The following SEC14L1 variants were observed in gnomAD, a reference collection of about 807,000 sequenced individuals.
The protein encoded by SEC14L1 is SEC14 like lipid binding 1.
A neutral mutation model predicts 85.3 loss-of-function variants in SEC14L1; 48 were observed. That is an observed-to-expected ratio of 0.56 (90% CI 0.45 to 0.72). The LOEUF is 0.72. SEC14L1 is among the 30% of genes least tolerant of loss of function. The pLI, the probability that SEC14L1 is intolerant of heterozygous loss-of-function variation, is 0.00. For synonymous variants in SEC14L1, 391 were observed against 355.5 expected, an observed-to-expected ratio of 1.10 and a Z score of -1.12; for missense variants, 682 against 921.4, an observed-to-expected ratio of 0.74 and a Z score of 3.36.
chr17:77,201,361 T>C (rs1976131759), intron 9 of SEC14L1, among the ~76,000 whole-genome samples: 1 of 152,194 alleles, frequency 6.6e-6, no homozygotes, highest in African/African-American at 2.4e-5. Flanking sequence ...AACAAGTCCT[T>C]GCAGAACCGA....
chr17:77,093,033 C>A (rs940912686), intron 2 of SEC14L1, among the ~76,000 whole-genome samples: 4 of 151,824 alleles, frequency 2.6e-5, no homozygotes, highest in African/African-American at 9.7e-5. Context: ...GGTGACCAGC[C>A]CTTGGCTCAG....
chr17:77,110,385 G>A (rs572503302), intron 3 of SEC14L1, among the ~76,000 whole-genome samples: 8 of 152,162 alleles, frequency 5.3e-5, no homozygotes, highest in African/African-American at 1.4e-4. Flanking sequence ...GAATAACTTT[G>A]CCCTGGGTGA....
chr17:77,159,382 C>CTTTT (rs763082986), intron 3 of SEC14L1, among the ~76,000 whole-genome samples: 2 of 118,210 alleles, frequency 1.7e-5, no homozygotes, highest in East Asian at 2.6e-4. Context: ...TCTTCTTCTT[C>CTTTT]TTTTTTTTTT....
At position 77,213,986 on chromosome 17, in the gene SEC14L1, C is replaced by A; in HGVS notation, c.2111C>A (p.Ser704Tyr). 1 of 1,613,396 alleles carries A rather than the reference C, an allele frequency of 6.2e-7. No individual in the cohort carries two copies. The change falls in exon 17 of 17, where the codon TCC becomes TAC. Residue 704 changes from serine (S) to tyrosine (Y), a missense_variant. This residue lies in a region of SEC14L1 where 420 missense variants were observed against 619.5 expected (regional missense o/e 0.68). Transcript: ENST00000436233. The surrounding 1 kb of genome is among the most constrained non-coding windows in gnomAD (Gnocchi z 7.1). The stretch of plus-strand genomic sequence containing the variant: ...CAGCTGAGTGCCGCCACCACCTCCT[C>A]CAGCCAGTCCCACTCCAGCTCCATG... ...FSQLSAATTS[S>Y]SQSHSSSMIS...
intron 3 of SEC14L1, among the ~76,000 whole-genome samples, chr17:77,096,280 C>T (rs1971640416): frequency 6.6e-6 from 1 of 151,486 alleles, no homozygotes; most frequent in Admixed American, 6.6e-5. Context: ...CACTATGAGG[C>T]TGGGTGTGGT....
At chr17:77,104,895 A>G (rs1378701597) in intron 3 of SEC14L1, among the ~76,000 whole-genome samples, 1 of 151,920 alleles carries the variant, frequency 6.6e-6, no homozygotes, top group African/African-American at 2.4e-5. Flanking sequence ...CACATACCCA[A>G]GGTGGTCAGG....
In SEC14L1 at chr17:77,135,763, A is replaced by T. The variant is rs142556777; in HGVS notation, c.-135-6883A>T. 2.9e-3 allele frequency among the ~76,000 whole-genome samples: 446 copies of T among 151,588 alleles called. 1 individual carries two copies. Among genetic ancestry groups the T allele is most frequent in the African/African-American group, 0.01 (432 of 41,278 alleles). On this transcript the variant is annotated intron_variant, in intron 3 of 19. Coordinates refer to the SEC14L1 transcript ENST00000392476. ...GCTATGTTGTCCAGGCTGGTCTGGA[A>T]CTCCTGGGCTCAAGCAATCCTTCCA...
rs575730682 is a variant in SEC14L1, at chr17:77,178,692, C to G, written c.64-12111C>G. The stretch of plus-strand genomic sequence containing the variant: ...ATGCAGCTTACAGAGCGTGCAGCCT[C>G]AATCCCTTGTGTGTGCAGTTCACAA... On this transcript the variant is annotated intron_variant, in intron 3 of 16. Transcript: ENST00000436233. Among the ~76,000 whole-genome samples the G allele has an allele frequency of 1.1e-4, 17 of 152,326 alleles. No individual in the cohort carries two copies. The East Asian group carries it at 3.1e-3, about 28-fold the overall frequency.
At chr17:77,191,691 C>T (rs1281479156) in intron 5 of SEC14L1, among the ~76,000 whole-genome samples, 1 of 152,006 alleles carries the variant, frequency 6.6e-6, no homozygotes, top group Non-Finnish European at 1.5e-5. Context: ...TACAGGCAAG[C>T]GCCACCACGC....
rs117041416 is a variant in SEC14L1 at position 77,213,575 on chromosome 17, A to T, written c.2042+83A>T. Reference sequence around the variant, plus strand: ...CCTGCAGTCCCACGCCGTGTGCAGGATCAGCAGTGGCGGCGGGTGTCAGGA... The same window carrying T: ...CCTGCAGTCCCACGCCGTGTGCAGGTTCAGCAGTGGCGGCGGGTGTCAGGA... On this transcript the variant is annotated intron_variant, in intron 16 of 16. Coordinates refer to ENST00000436233, the MANE Select transcript of SEC14L1 (RefSeq NM_001143998.2). The surrounding 1 kb of genome is among the most constrained non-coding windows in gnomAD (Gnocchi z 7.1). The T allele has an allele frequency of 0.016, 24,460 of 1,521,858 alleles. 301 individuals carry two copies. Among genetic ancestry groups the T allele is most frequent in the South Asian group, 0.049 (4,348 of 87,994 alleles). 94.3% of individuals were successfully genotyped at this position (1,521,858 alleles called of 1,614,324 possible).
chr17:77,181,499 G>A (rs904723599), intron 3 of SEC14L1, among the ~76,000 whole-genome samples: 3 of 152,168 alleles, frequency 2.0e-5, no homozygotes, highest in East Asian at 3.9e-4. Context: ...TGCATCCTCC[G>A]CCTCCCGGAT....
chr17:77,127,286 T>C (rs1177197909), intron 3 of SEC14L1, among the ~76,000 whole-genome samples: 3 of 152,202 alleles, frequency 2.0e-5, no homozygotes, highest in African/African-American at 7.2e-5. Context: ...GGCTTCCAGC[T>C]TCATCCATGT....
At chr17:77,104,807 A>G (rs1238079609) in intron 3 of SEC14L1, among the ~76,000 whole-genome samples, 1 of 142,678 alleles carries the variant, frequency 7.0e-6, no homozygotes, top group Admixed American at 7.0e-5. Context: ...AAAAAAAAAA[A>G]GAAAGTTTTT....
chr17:77,136,657 C>T (rs776959209), upstream of SEC14L1, among the ~76,000 whole-genome samples: 2 of 152,128 alleles, frequency 1.3e-5, no homozygotes, highest in African/African-American at 2.4e-5. Flanking sequence ...CATGTGTGTG[C>T]ACGTGTTTGT....
chr17:77,150,594 A>G (rs1973511052), intron 3 of SEC14L1, among the ~76,000 whole-genome samples: 1 of 152,232 alleles, frequency 6.6e-6, no homozygotes. Context: ...ATCTTACTTC[A>G]GGGTGAGGAG....
At chr17:77,164,191 G>A (rs948597291) in intron 3 of SEC14L1, among the ~76,000 whole-genome samples, 2 of 152,318 alleles carry the variant, frequency 1.3e-5, no homozygotes, top group Admixed American at 6.5e-5. Flanking sequence ...GGGCTGACCC[G>A]GTACCGTGCC....
chr17:77,138,435 C>T (rs962774768), upstream of SEC14L1, among the ~76,000 whole-genome samples: 11 of 151,980 alleles, frequency 7.2e-5, no homozygotes, highest in Non-Finnish European at 1.3e-4. Flanking sequence ...GCCTGACCAA[C>T]ATGGTGAAAG....
At chr17:77,118,567 T>A (rs561625969) in intron 3 of SEC14L1, among the ~76,000 whole-genome samples, 1 of 152,356 alleles carries the variant, frequency 6.6e-6, no homozygotes, top group East Asian at 1.9e-4. Context: ...ATATTCCAGA[T>A]GCTGCCACGT....
chr17:77,097,787 C>T (rs950352480), intron 3 of SEC14L1, among the ~76,000 whole-genome samples: 3 of 152,098 alleles, frequency 2.0e-5, no homozygotes, highest in Non-Finnish European at 2.9e-5. Context: ...AAAACATACT[C>T]CCTCCTCTCA....
Sources: allele counts gnomAD v4.1 joint callset (sites outside exome capture counted in the v4.1 genomes callset), GRCh38; gene constraint gnomAD v4.1.1; regional missense constraint gnomAD v4.1.1; non-coding constraint Gnocchi (gnomAD v3.1); transcripts MANE v1.5; gene names NCBI Gene and HGNC (gene_info 2026-07-23, HGNC 2026-07-21).